ZNF211: variants seen among roughly 807,000 people sequenced by gnomAD.
The protein encoded by ZNF211 is zinc finger protein 211, also known as zinc finger protein C2H2-25.
ZNF211 carries 18 observed loss-of-function variants against 12.1 expected under a neutral mutation model. The observed-to-expected ratio is 1.48, with a 90% CI of 1.03 to 2.20. ZNF211 has a LOEUF of 2.20. Among genes scored for constraint, ZNF211 ranks in the 30% most tolerant of loss-of-function variants. The probability of loss-of-function intolerance (pLI) is 0.00; values close to 1 mark genes in which losing one functional copy is unlikely to be tolerated. For synonymous variants in ZNF211, 249 were observed against 246.0 expected, an observed-to-expected ratio of 1.01 and a Z score of -0.11; for missense variants, 677 against 703.1, an observed-to-expected ratio of 0.96 and a Z score of 0.42.
intron 1 of ZNF211, chr19:57,633,818 G>C (rs749501528): frequency 6.3e-7 from 1 of 1,579,534 alleles, no homozygotes; most frequent in South Asian, 1.1e-5. Context: ...TTTAGAGATG[G>C]ATGAGGACGT....
Position 57,641,906 on chromosome 19 carries a change from G to T in ZNF211, c.1459G>T (p.Val487Phe), listed in dbSNP as rs1158323100. The change falls in exon 4 of 4, where the codon GTT becomes TTT. Residue 487 changes from valine to phenylalanine, a missense_variant. Physicochemically the swap from Val to Phe is conservative, Grantham distance 50. Coordinates refer to ENST00000240731, the MANE Select transcript of ZNF211 (RefSeq NM_006385.5). ...HSSNLKNHQR[V>F]HTGERPVECS... ...CTCCAACCTTAAGAACCACCAGAGAGTTCACACTGGAGAAAGACCTGTTGA... is the reference window on the plus strand; with the variant it reads ...CTCCAACCTTAAGAACCACCAGAGATTTCACACTGGAGAAAGACCTGTTGA... 1.2e-6 allele frequency: 2 copies of T among 1,614,046 alleles called. No homozygotes were observed. Among genetic ancestry groups the T allele is most frequent in the African/African-American group, 2.7e-5 (2 of 74,924 alleles).
intron 1 of ZNF211, chr19:57,633,726 A>C (rs965252449): frequency 9.1e-6 from 14 of 1,533,520 alleles, no homozygotes; most frequent in Non-Finnish European, 1.0e-5. Flanking sequence ...CGTGGGAGCC[A>C]TAGAGAGCTT....
rs1186666465 is a variant in ZNF211, at chr19:57,633,380, C to G, written c.34C>G (p.Pro12Ala). ...GTTCCCCCCGGGTCGCCCGCAGCTC[C>G]CGGTCCAGCTCCGCCCACAGACTCG... Reference protein sequence around the residue: ...LGFPPGRPQLPVQLRPQTRMA... With the variant: ...LGFPPGRPQLAVQLRPQTRMA... Residue 12 changes from proline (P) to alanine (A), a missense_variant, in exon 1 of 4, where the codon CCG becomes GCG. Transcript: ENST00000240731. 6.2e-7 allele frequency: 1 copy of G among 1,603,192 alleles called. No homozygotes were observed. The highest frequency in any genetic ancestry group is 1.7e-4 in the Middle Eastern group (1 of 6,002).
chr19:57,642,104 A>G lies in ZNF211; in HGVS notation c.1657A>G (p.Ser553Gly), dbSNP rs759916848. 2.5e-6 allele frequency: 4 copies of G among 1,614,098 alleles called. No individual in the cohort carries two copies. Among genetic ancestry groups the G allele is most frequent in the Non-Finnish European group, 3.4e-6 (4 of 1,179,944 alleles). The change falls in exon 4 of 4, where the codon AGT (serine) becomes GGT (glycine). Residue 553 changes from serine to glycine, a missense_variant. Ser to Gly is a moderately conservative substitution (Grantham distance 56). Coordinates refer to ENST00000240731, the MANE Select transcript of ZNF211 (RefSeq NM_006385.5). ...VHTGKRPYQCSQCGKSFGCKS... is the reference protein window; with the variant it reads ...VHTGKRPYQCGQCGKSFGCKS... The stretch of plus-strand genomic sequence containing the variant: ...CACGGGAAAAAGGCCTTATCAGTGC[A>G]GTCAATGTGGGAAATCCTTTGGCTG...
In ZNF211 at chr19:57,643,200, T is replaced by C. The variant is rs550187359; in HGVS notation, c.*1019T>C. 2.0e-5 allele frequency among the ~76,000 whole-genome samples: 3 copies of C among 152,198 alleles called. No individual in the cohort carries two copies. In the East Asian group the frequency reaches 5.8e-4, roughly 29 times the overall value. ...GCCCCAATACAATTTAGTAGGCTACTGTCACTGTAAAATGATGGGGGAACC... is the reference window on the plus strand; with the variant it reads ...GCCCCAATACAATTTAGTAGGCTACCGTCACTGTAAAATGATGGGGGAACC... On this transcript the variant is annotated 3_prime_UTR_variant, in exon 4 of 4. Coordinates refer to ENST00000240731, the MANE Select transcript of ZNF211 (RefSeq NM_006385.5).
Position 57,640,721 on chromosome 19 carries a change from G to A in ZNF211, c.274G>A (p.Glu92Lys), listed in dbSNP as rs748193735. The A allele has an allele frequency of 6.2e-6, 10 of 1,613,854 alleles. No individual in the cohort carries two copies. The South Asian group carries it at 6.6e-5, about 11-fold the overall frequency. The change falls in exon 4 of 4, where the codon GAA becomes AAA. Residue 92 changes from glutamate to lysine, a missense_variant. Glu to Lys is a moderately conservative substitution (Grantham distance 56). Coordinates refer to ENST00000240731, the MANE Select transcript of ZNF211 (RefSeq NM_006385.5). ...ACTTTTAGGTTGTTGGTGTGGAGTG[G>A]AACATGAGGAAACACCTTCTGAACA... ...TSSLGCWCGV[E>K]HEETPSEQRI... is the part of the protein sequence containing the mutation.
At chr19:57,634,161 A>G in intron 2 of ZNF211, 100 bp downstream of exon 2, 4 of 1,326,276 alleles carry the variant, frequency 3.0e-6, no homozygotes, top group Non-Finnish European at 3.0e-6. Flanking sequence ...GGACTCACCT[A>G]CCATTCTCTC....
At chr19:57,640,614 T>G in intron 3 of ZNF211, 90 bp from the exon 4 acceptor site, 1 of 1,509,034 alleles carries the variant, frequency 6.6e-7, no homozygotes, top group Non-Finnish European at 8.9e-7. Context: ...CATATACTGG[T>G]TCTTTGCTGT....
intron 2 of ZNF211, 113 bp downstream of exon 2, chr19:57,634,174 C>A (rs375965161): frequency 2.4e-6 from 3 of 1,262,450 alleles, no homozygotes; most frequent in Non-Finnish European, 1.1e-6. Context: ...ATTCTCTCAG[C>A]GTTTGGTTTG....
At position 57,633,247 on chromosome 19, in the gene ZNF211, G is replaced by A; in HGVS notation, c.-100G>A. 8.3e-7 allele frequency: 1 copy of A among 1,207,022 alleles called. No homozygotes were observed. Among genetic ancestry groups the A allele is most frequent in the Admixed American group, 3.1e-5 (1 of 32,706 alleles). The allele number at this position is 1,207,022 out of a possible 1,614,324, so 74.8% of individuals were successfully genotyped here. ...TCCGTTCTGTCTGTCAGCCGCTTTG[G>A]TACGCTGCATCGGGATCGAAGTGAC... On this transcript the variant is annotated 5_prime_UTR_variant, in exon 1 of 4. Coordinates refer to ENST00000240731, the MANE Select transcript of ZNF211 (RefSeq NM_006385.5).
At chr19:57,633,722 A>G (rs1390428242) in intron 1 of ZNF211, 1 of 1,533,398 alleles carries the variant, frequency 6.5e-7, no homozygotes, top group Non-Finnish European at 8.7e-7. Context: ...GGGCCGTGGG[A>G]GCCATAGAGA....
intron 3 of ZNF211, among the ~76,000 whole-genome samples, chr19:57,637,368 CCA>C (rs1982273034): frequency 6.6e-6 from 1 of 151,708 alleles, no homozygotes; most frequent in South Asian, 2.1e-4. Flanking sequence ...AGTGTTTTCC[CCA>C]CGAAAAAGTG....
chr19:57,643,228 A>G lies in ZNF211; in HGVS notation c.*1047A>G, dbSNP rs1983178353. On this transcript the variant is annotated 3_prime_UTR_variant, in exon 4 of 4. Coordinates refer to ENST00000240731, the MANE Select transcript of ZNF211 (RefSeq NM_006385.5). ...CACTGTAAAATGATGGGGGAACCAT[A>G]ATTGGTGTGGAAACACTGGGTTACT... is the stretch of plus-strand genomic sequence containing the variant. 6.6e-6 allele frequency among the ~76,000 whole-genome samples: 1 copy of G among 151,982 alleles called. No homozygotes were observed. The highest frequency in any genetic ancestry group is 2.4e-5 in the African/African-American group (1 of 41,358).
At chr19:57,634,475 T>C (rs1187942329) in intron 2 of ZNF211, among the ~76,000 whole-genome samples, 154 bp from the exon 3 acceptor site, 1 of 152,110 alleles carries the variant, frequency 6.6e-6, no homozygotes, top group Non-Finnish European at 1.5e-5. Context: ...ACACAGTGAC[T>C]AATGGGAATG....
intron 3 of ZNF211, among the ~76,000 whole-genome samples, chr19:57,635,640 A>G (rs1472855413): frequency 1.3e-5 from 2 of 152,184 alleles, no homozygotes; most frequent in East Asian, 3.8e-4. Flanking sequence ...TTCCTTCATC[A>G]GTGGACACAG....
intron 3 of ZNF211, chr19:57,639,983 A>T (rs2122209771): frequency 6.5e-7 from 1 of 1,535,960 alleles, no homozygotes; most frequent in Non-Finnish European, 8.7e-7. Flanking sequence ...TCTTCACAGG[A>T]TGTTCATGAC....
Position 57,641,275 on chromosome 19 carries a change from G to A in ZNF211, c.828G>A (p.Gly276=), listed in dbSNP as rs776755381. The A allele has an allele frequency of 7.4e-6, 12 of 1,614,218 alleles. No homozygotes were observed. The South Asian group carries it at 1.3e-4, about 18-fold the overall frequency. The part of the protein sequence containing the change: ...REGLFECSKC[G]KACTRRCNLI... ...GACTTTTTGAGTGCAGTAAATGTGG[G>A]AAAGCATGTACGCGAAGATGTAACC... The change falls in exon 4 of 4, where the codon GGG becomes GGA. Residue 276 remains glycine (G), a synonymous_variant. Coordinates refer to ENST00000240731, the MANE Select transcript of ZNF211 (RefSeq NM_006385.5).
intron 3 of ZNF211, chr19:57,640,142 C>T (rs1443288340): frequency 1.6e-5 from 23 of 1,430,416 alleles, no homozygotes; most frequent in East Asian, 5.0e-5. Flanking sequence ...CACTTCACTT[C>T]GACCTTCCCC....
intron 3 of ZNF211, among the ~76,000 whole-genome samples, chr19:57,640,263 C>G (rs1599968033): frequency 6.6e-6 from 1 of 152,230 alleles, no homozygotes; most frequent in African/African-American, 2.4e-5. Flanking sequence ...CCTACCTGTT[C>G]TTTTCACTGT....
Sources: allele counts gnomAD v4.1 joint callset (sites outside exome capture counted in the v4.1 genomes callset), GRCh38; gene constraint gnomAD v4.1.1; transcripts MANE v1.5; gene names NCBI Gene and HGNC (gene_info 2026-07-23, HGNC 2026-07-21).